EEFSEC: variants seen among roughly 807,000 people sequenced by gnomAD.
EEFSEC encodes eukaryotic elongation factor, selenocysteine-tRNA specific, also known as selenocysteine-specific elongation factor.
A neutral mutation model predicts 42.1 loss-of-function variants in EEFSEC; 43 were observed. That is an observed-to-expected ratio of 1.02 (90% CI 0.80 to 1.32). The LOEUF is 1.32. Among genes scored for constraint, EEFSEC ranks in the 40% most tolerant of loss-of-function variants. The pLI is 0.00. For missense variants in EEFSEC, 745 were observed against 803.6 expected (o/e 0.93, Z 0.88); for synonymous variants, 354 against 339.1 (o/e 1.04, Z -0.48).
At chr3:128,215,715 C>T (rs1219387628) in intron 1 of EEFSEC, among the ~76,000 whole-genome samples, 2 of 152,084 alleles carry the variant, frequency 1.3e-5, no homozygotes, top group East Asian at 3.9e-4. Flanking sequence ...GGATCCAGGG[C>T]CTCAAATAAT....
At chr3:128,160,885 G>A (rs2065180006) in intron 1 of EEFSEC, among the ~76,000 whole-genome samples, 1 of 152,200 alleles carries the variant, frequency 6.6e-6, no homozygotes, top group Non-Finnish European at 1.5e-5. Context: ...TGTGGCCACA[G>A]ATAAAACTAA....
intron 6 of EEFSEC, among the ~76,000 whole-genome samples, chr3:128,360,860 T>C (rs2067517323): frequency 6.6e-6 from 1 of 152,176 alleles, no homozygotes; most frequent in African/African-American, 2.4e-5. Flanking sequence ...TTTTATTAAA[T>C]ATCACTGGTC....
intron 1 of EEFSEC, among the ~76,000 whole-genome samples, chr3:128,238,914 G>C (rs959824024): frequency 6.6e-6 from 1 of 152,198 alleles, no homozygotes; most frequent in Non-Finnish European, 1.5e-5. Flanking sequence ...ACGTGGTATG[G>C]CATATCCTTT....
At chr3:128,425,548 T>A in the EEFSEC span, among the ~76,000 whole-genome samples, 1 of 152,252 alleles carries the variant, frequency 6.6e-6, no homozygotes, top group African/African-American at 2.4e-5. Context: ...GTGTGGCGTG[T>A]GTTTTACTGC....
At chr3:128,168,783 C>T (rs963685111) in intron 1 of EEFSEC, among the ~76,000 whole-genome samples, 1 of 152,228 alleles carries the variant, frequency 6.6e-6, no homozygotes. Context: ...CTTGCTGGTT[C>T]TGTCACTTAC....
At chr3:128,262,809 G>A (rs1258239786) in intron 3 of EEFSEC, among the ~76,000 whole-genome samples, 1 of 152,210 alleles carries the variant, frequency 6.6e-6, no homozygotes, top group Non-Finnish European at 1.5e-5. Context: ...CAGGAAGGGT[G>A]TGTGTGGGTG....
chr3:128,404,806 T>A (rs2068090337), intron 6 of EEFSEC, among the ~76,000 whole-genome samples: 1 of 152,148 alleles, frequency 6.6e-6, no homozygotes, highest in Non-Finnish European at 1.5e-5. Context: ...GGCCATAGTG[T>A]CACATGTCCC....
chr3:128,345,036 C>G (rs139071297), intron 5 of EEFSEC, among the ~76,000 whole-genome samples: 3,341 of 152,270 alleles, frequency 0.022, 79 homozygotes, highest in Non-Finnish European at 0.031. Flanking sequence ...AGCCATCCGA[C>G]AGACTGGTCC....
chr3:128,231,046 A>G (rs1442924640), intron 1 of EEFSEC, among the ~76,000 whole-genome samples: 1 of 152,026 alleles, frequency 6.6e-6, no homozygotes, highest in Non-Finnish European at 1.5e-5. Context: ...ATAGGACTGC[A>G]CTGTCCCCCT....
chr3:128,203,312 C>A (rs1422937319), intron 1 of EEFSEC, among the ~76,000 whole-genome samples: 2 of 152,170 alleles, frequency 1.3e-5, no homozygotes, highest in East Asian at 3.8e-4. Context: ...ATTCACATTT[C>A]CCTTCAGGTG....
intron 1 of EEFSEC, among the ~76,000 whole-genome samples, chr3:128,189,472 A>G (rs1216989069): frequency 6.6e-6 from 1 of 152,044 alleles, no homozygotes; most frequent in Non-Finnish European, 1.5e-5. Context: ...TACTTATAGT[A>G]CCTATTATGA....
chr3:128,276,581 A>G (rs1402180330), intron 4 of EEFSEC, among the ~76,000 whole-genome samples: 1 of 152,228 alleles, frequency 6.6e-6, no homozygotes, highest in African/African-American at 2.4e-5. Context: ...ATGATTTTAC[A>G]TCAGTGTCCA....
chr3:128,185,274 T>TG (rs1559859296), intron 1 of EEFSEC, among the ~76,000 whole-genome samples: 1 of 152,146 alleles, frequency 6.6e-6, no homozygotes, highest in African/African-American at 2.4e-5. Context: ...AATTATCTTT[T>TG]GGGGGGATAA....
intron 4 of EEFSEC, among the ~76,000 whole-genome samples, chr3:128,330,280 A>G (rs747061625): frequency 2.0e-5 from 3 of 152,326 alleles, no homozygotes; most frequent in Non-Finnish European, 2.9e-5. Flanking sequence ...TAAGGTCGCC[A>G]CAGATGGTCA....
the EEFSEC span, among the ~76,000 whole-genome samples, chr3:128,424,924 A>G: frequency 1.3e-5 from 2 of 151,954 alleles, no homozygotes; most frequent in Non-Finnish European, 2.9e-5. Flanking sequence ...ACTGCGGCGG[A>G]AGTGGTCTTT....
intron 4 of EEFSEC, among the ~76,000 whole-genome samples, chr3:128,289,012 C>G (rs1002082134): frequency 4.6e-5 from 7 of 152,218 alleles, no homozygotes; most frequent in African/African-American, 1.7e-4. Context: ...GTATCGCTAT[C>G]TCTGATCAGA....
At chr3:128,398,103 G>A (rs2068003422) in intron 6 of EEFSEC, among the ~76,000 whole-genome samples, 1 of 152,244 alleles carries the variant, frequency 6.6e-6, no homozygotes, top group Admixed American at 6.5e-5. Context: ...GTGCACACGG[G>A]CTGAGGTCAC....
intron 6 of EEFSEC, among the ~76,000 whole-genome samples, chr3:128,359,442 G>A (rs1461392599): frequency 1.3e-5 from 2 of 152,052 alleles, no homozygotes; most frequent in Non-Finnish European, 2.9e-5. Flanking sequence ...ATGTGGTGAT[G>A]CAATCAAGGC....
chr3:128,223,954 A>G (rs2065884770), intron 1 of EEFSEC, among the ~76,000 whole-genome samples: 1 of 150,004 alleles, frequency 6.7e-6, no homozygotes, highest in African/African-American at 2.5e-5. Context: ...ATTATTATAT[A>G]TTTGGTCTTT....
Sources: gnomAD v4.1 joint callset for allele counts (sites outside exome capture counted in the v4.1 genomes callset) on GRCh38, gnomAD v4.1.1 for gene constraint, MANE v1.5 for transcripts, NCBI Gene and HGNC (gene_info 2026-07-23, HGNC 2026-07-21) for gene names.